TMEM39A: variants seen among roughly 807,000 people sequenced by gnomAD.
TMEM39A encodes transmembrane protein 39A.
A neutral mutation model predicts 51.9 loss-of-function variants in TMEM39A; 19 were observed. The observed-to-expected ratio is 0.37, with a 90% confidence interval of 0.26 to 0.54. TMEM39A has a LOEUF of 0.54. Among genes scored for constraint, TMEM39A ranks in the 20% least tolerant of loss-of-function variants. The pLI, the probability that TMEM39A is intolerant of heterozygous loss-of-function variation, is 0.88. For missense variants in TMEM39A, 433 were observed against 590.5 expected (o/e 0.73, Z 2.76); for synonymous variants, 197 against 220.2 (o/e 0.89, Z 0.93).
At chr3:119,437,640 A>G in intron 6 of TMEM39A, 115 bp downstream of exon 6, 1 of 834,626 alleles carries the variant, frequency 1.2e-6, no homozygotes. Flanking sequence ...GCCGAACTCC[A>G]CCATCCAGGC....
intron 2 of TMEM39A, among the ~76,000 whole-genome samples, chr3:119,460,179 ACTCC>A (rs1486647564): frequency 6.6e-6 from 1 of 151,840 alleles, no homozygotes; most frequent in Non-Finnish European, 1.5e-5. Context: ...TTTTCTACCC[ACTCC>A]CTCCCTCCCC....
rs1450975461 is a variant in TMEM39A at position 119,448,862 on chromosome 3, C to A, written c.421-1690G>T. 5.9e-5 allele frequency among the ~76,000 whole-genome samples: 9 copies of A among 152,344 alleles called. No individual in the cohort carries two copies. The South Asian group carries it at 1.7e-3, about 28-fold the overall frequency. On this transcript the variant is annotated intron_variant, in intron 4 of 8. Coordinates refer to ENST00000319172, the MANE Select transcript of TMEM39A (RefSeq NM_018266.3). Reference sequence around the variant, plus strand: ...TGCCTTATTCCAGAGCCCCAAGCCGCTAATCACTGTGGTGTATGTCACAGA... The same window carrying A: ...TGCCTTATTCCAGAGCCCCAAGCCGATAATCACTGTGGTGTATGTCACAGA...
chr3:119,446,803 G>A (rs16829853), intron 5 of TMEM39A: 80,834 of 487,698 alleles, frequency 0.17, 7,554 homozygotes, highest in Admixed American at 0.21. Flanking sequence ...TACATTCCAG[G>A]TTTCCCAGGA....
intron 6 of TMEM39A, 24 bp downstream of exon 6, chr3:119,437,731 C>A: frequency 2.0e-6 from 3 of 1,486,212 alleles, no homozygotes; most frequent in Non-Finnish European, 2.7e-6. Flanking sequence ...CCAGGAAGCA[C>A]ATAAAAGTAA....
At chr3:119,449,628 C>CG (rs1207443815) in intron 4 of TMEM39A, among the ~76,000 whole-genome samples, 4 of 152,002 alleles carry the variant, frequency 2.6e-5, no homozygotes, top group Non-Finnish European at 5.9e-5. Context: ...GTCTGCCCCC[C>CG]ACCCCCCAAA....
At chr3:119,454,141 A>G (rs2081235319) in intron 3 of TMEM39A, among the ~76,000 whole-genome samples, 1 of 152,248 alleles carries the variant, frequency 6.6e-6, no homozygotes, top group South Asian at 2.1e-4. Context: ...CTGGAGTGAG[A>G]TAATTATTGT....
chr3:119,438,533 T>C (rs1298821148), intron 5 of TMEM39A, among the ~76,000 whole-genome samples: 1 of 152,220 alleles, frequency 6.6e-6, no homozygotes, highest in Non-Finnish European at 1.5e-5. Flanking sequence ...TATTGAGTAT[T>C]TTCCCTGTGT....
intron 3 of TMEM39A, among the ~76,000 whole-genome samples, chr3:119,454,848 T>C (rs533151335): frequency 1.6e-3 from 247 of 152,304 alleles, no homozygotes; most frequent in African/African-American, 5.7e-3. Flanking sequence ...AATCATGTTA[T>C]AACCAAATCA....
intron 4 of TMEM39A, among the ~76,000 whole-genome samples, chr3:119,449,306 G>C (rs1489874064): frequency 6.6e-6 from 1 of 152,192 alleles, no homozygotes; most frequent in African/African-American, 2.4e-5. Context: ...GGGTGCAATG[G>C]CTCACACCTG....
chr3:119,453,927 GA>G (rs1182926155), intron 3 of TMEM39A, among the ~76,000 whole-genome samples: 2 of 152,168 alleles, frequency 1.3e-5, no homozygotes, highest in Non-Finnish European at 2.9e-5. Context: ...TAATGACTAA[GA>G]AGGAGGTGCA....
chr3:119,434,073 T>C (rs1379320801), intron 8 of TMEM39A, among the ~76,000 whole-genome samples: 1 of 152,202 alleles, frequency 6.6e-6, no homozygotes, highest in Non-Finnish European at 1.5e-5. Flanking sequence ...GCATTTTTAC[T>C]ATAAACAGTC....
At chr3:119,447,269 A>G in intron 4 of TMEM39A, 97 bp from the exon 5 acceptor site, 1 of 1,232,474 alleles carries the variant, frequency 8.1e-7, no homozygotes, top group South Asian at 1.6e-5. Context: ...AGTGGAAGCT[A>G]AAATGTGTCT....
At position 119,435,874 on chromosome 3, in the gene TMEM39A, C is replaced by T. The variant is rs771502288; in HGVS notation, c.1112+917G>A. On this transcript the variant is annotated intron_variant, in intron 7 of 8. Transcript: ENST00000319172. The stretch of plus-strand genomic sequence containing the variant: ...TTGAAATCTGTCCTTTGCCCACAGT[C>T]GGGTTTCTTTTCAGCCTGGCCCAAT... The T allele has an allele frequency of 2.3e-6, 3 of 1,289,570 alleles. No individual in the cohort carries two copies. In the South Asian group the frequency reaches 3.7e-5, roughly 16 times the overall value. The allele number at this position is 1,289,570 out of a possible 1,614,324, so 79.9% of individuals were successfully genotyped here. A position where few individuals can be genotyped will look rare whatever the true frequency, so the allele number is the denominator to read the frequency against.
At chr3:119,440,360 T>C (rs905217528) in intron 5 of TMEM39A, among the ~76,000 whole-genome samples, 7 of 152,208 alleles carry the variant, frequency 4.6e-5, no homozygotes, top group African/African-American at 1.7e-4. Flanking sequence ...AATAATTCAT[T>C]AAAGGATTTT....
At chr3:119,438,224 TAACTC>T in intron 5 of TMEM39A, 121 bp from the exon 6 acceptor site, 1 of 675,992 alleles carries the variant, frequency 1.5e-6, no homozygotes, top group Non-Finnish European at 2.3e-6. Context: ...GGAGTAAACA[TAACTC>T]AAGAGGGACA....
chr3:119,441,482 C>T lies in TMEM39A; in HGVS notation c.576-3379G>A, dbSNP rs554669083. Among the ~76,000 whole-genome samples, 7 of 152,278 alleles carry T rather than the reference C, an allele frequency of 4.6e-5. No homozygotes were observed. The East Asian group carries it at 1.3e-3, about 29-fold the overall frequency. On this transcript the variant is annotated intron_variant, in intron 5 of 8. Transcript: ENST00000319172. ...CATTGCCCTAAACCAAAGCCTAATC[C>T]AGAGCAAAGCCCTAACTCTTTTTAA... is the stretch of plus-strand genomic sequence containing the variant.
In TMEM39A at chr3:119,450,826, C is replaced by CAAAAAAAA. The variant is rs60326718; in HGVS notation, c.420+1613_420+1620dup. The stretch of plus-strand genomic sequence containing the variant: ...TAGGCGACAGAGCCAGACTCCATCT[C>CAAAAAAAA]AAAAAAAAAAAAAAAAAAAAAAAAA... On this transcript the variant is annotated intron_variant, in intron 4 of 8. Coordinates refer to ENST00000319172, the MANE Select transcript of TMEM39A (RefSeq NM_018266.3). Among the ~76,000 whole-genome samples the CAAAAAAAA allele has an allele frequency of 7.9e-4, 44 of 55,884 alleles. 4 individuals carry two copies. The highest frequency in any genetic ancestry group is 2.6e-3 in the African/African-American group (36 of 13,738). 36.7% of individuals were successfully genotyped at this position (55,884 alleles called of 152,430 possible).
chr3:119,461,846 CCA>C (rs1219307826), intron 2 of TMEM39A, 114 bp downstream of exon 2: 2 of 819,216 alleles, frequency 2.4e-6, no homozygotes, highest in Non-Finnish European at 1.8e-6. Context: ...AGGATTTCTA[CCA>C]CAGTGTCAAG....
intron 7 of TMEM39A, chr3:119,435,394 G>A (rs1333894493): frequency 1.0e-6 from 1 of 985,038 alleles, no homozygotes. Context: ...CCTCACAACT[G>A]TAAGAAGATA....
Sources: allele counts gnomAD v4.1 joint callset (sites outside exome capture counted in the v4.1 genomes callset), GRCh38; gene constraint gnomAD v4.1.1; transcripts MANE v1.5; gene names NCBI Gene and HGNC (gene_info 2026-07-23, HGNC 2026-07-21).